RNASEK: variants seen among roughly 807,000 people sequenced by gnomAD.
The protein encoded by RNASEK is ribonuclease kappa.
In RNASEK, 7 loss-of-function variants were observed where a neutral mutation model predicts 11.2. The ratio of observed to expected loss-of-function variants is 0.62; its 90% CI spans 0.35 to 1.17. The LOEUF (loss-of-function observed/expected upper bound fraction) is 1.17, where lower values mean the gene tolerates loss of function less well. RNASEK is among the 50% of genes most tolerant of loss of function. The pLI, the probability that RNASEK is intolerant of heterozygous loss-of-function variation, is 0.02. For synonymous variants in RNASEK, 46 were observed against 49.5 expected, an observed-to-expected ratio of 0.93 and a Z score of 0.30; for missense variants, 101 against 126.7, an observed-to-expected ratio of 0.80 and a Z score of 0.97.
Position 7,014,449 on chromosome 17 carries a change from G to A in RNASEK, c.*163G>A. 1 of 714,994 alleles carries A rather than the reference G, an allele frequency of 1.4e-6. No homozygotes were observed. Among genetic ancestry groups the A allele is most frequent in the East Asian group, 2.7e-5 (1 of 36,990 alleles). 44.3% of individuals were successfully genotyped at this position (714,994 alleles called of 1,614,324 possible). On this transcript the variant is annotated 3_prime_UTR_variant, in exon 3 of 3. Coordinates refer to ENST00000593646, the MANE Select transcript of RNASEK (RefSeq NM_001004333.5). The surrounding 1 kb of genome is among the most constrained non-coding windows in gnomAD (Gnocchi z 4.5). The stretch of plus-strand genomic sequence containing the variant: ...CCATCTCTGGCATCCGGCCCCCGTG[G>A]AGAGGGCTGAGGCTGGGGGGCTGTT...
At position 7,014,399 on chromosome 17, in the gene RNASEK, C is replaced by A; in HGVS notation, c.*113C>A. The A allele has an allele frequency of 9.0e-7, 1 of 1,116,618 alleles. No individual in the cohort carries two copies. Among genetic ancestry groups the A allele is most frequent in the South Asian group, 1.4e-5 (1 of 69,710 alleles). The allele number at this position is 1,116,618 out of a possible 1,614,324, so 69.2% of individuals were successfully genotyped here. On this transcript the variant is annotated 3_prime_UTR_variant, in exon 3 of 3. Transcript: ENST00000593646. The surrounding 1 kb of genome is among the most constrained non-coding windows in gnomAD (Gnocchi z 4.5). ...GCGCCCTCTGCGGGACTGGGTTTCC[C>A]GGGCGAGAGACTGAATCCCTTCTCC...
At chr17:7,013,449 C>T in intron 1 of RNASEK, 3 of 1,538,264 alleles carry the variant, frequency 2.0e-6, no homozygotes, top group Non-Finnish European at 1.7e-6. Flanking sequence ...GGAGAGATGG[C>T]TTGGTCACTA....
In RNASEK at chr17:7,014,077, G is replaced by A. The variant is rs994936523; in HGVS notation, c.156-68G>A. The A allele has an allele frequency of 7.7e-6, 11 of 1,435,672 alleles. No homozygotes were observed. The Admixed American group carries it at 1.6e-4, about 21-fold the overall frequency. 88.9% of individuals were successfully genotyped at this position (1,435,672 alleles called of 1,614,324 possible). On this transcript the variant is annotated intron_variant, in intron 2 of 2. Transcript: ENST00000593646. This position sits in a 1 kb window ranked among gnomAD's most constrained non-coding sequence, Gnocchi z 4.5. ...GTAACAGCGCCTAAACAGGTGTCGGGCACATAGTGCTCAGAAAATGTTGGC... is the reference window on the plus strand; with the variant it reads ...GTAACAGCGCCTAAACAGGTGTCGGACACATAGTGCTCAGAAAATGTTGGC...
In RNASEK at chr17:7,013,747, GTATT is replaced by G. The variant is rs1909600800; in HGVS notation, c.155+6_155+9del. On this transcript the variant is annotated splice_donor_region_variant and intron_variant, in intron 2 of 2. Coordinates refer to ENST00000593646, the MANE Select transcript of RNASEK (RefSeq NM_001004333.5). ...CTTCACGGAGAAAGATTTTGAGTAA[GTATT>G]CGGGTGGGGGAGGCGGGCTGGGAGC... 1 of 900,062 alleles carries G rather than the reference GTATT, an allele frequency of 1.1e-6. No homozygotes were observed. The highest frequency in any genetic ancestry group is 1.7e-6 in the Non-Finnish European group (1 of 574,196). The allele number at this position is 900,062 out of a possible 1,614,324, so 55.8% of individuals were successfully genotyped here. A position where few individuals can be genotyped will look rare whatever the true frequency, so the allele number is the denominator to read the frequency against.
rs756326439 is a variant in RNASEK, at chr17:7,013,741, G to C, written c.154G>C (p.Glu52Gln). 1.8e-5 allele frequency: 29 copies of C among 1,568,640 alleles called. No individual in the cohort carries two copies. Among genetic ancestry groups the C allele is most frequent in the Non-Finnish European group, 2.5e-5 (28 of 1,139,702 alleles). ...CGTTCCCTTCACGGAGAAAGATTTT[G>C]AGTAAGTATTCGGGTGGGGGAGGCG... The part of the protein sequence containing the change: ...EDVPFTEKDF[E>Q]NGPQNIYNLY... Residue 52 changes from glutamate to glutamine, a missense_variant and splice_region_variant, in exon 2 of 3, where the codon GAG becomes CAG. Coordinates refer to ENST00000593646, the MANE Select transcript of RNASEK (RefSeq NM_001004333.5).
intron 1 of RNASEK, chr17:7,013,400 T>C: frequency 6.5e-7 from 1 of 1,535,766 alleles, no homozygotes; most frequent in East Asian, 2.4e-5. Context: ...TGTCCCGTGA[T>C]GATGACGCCT....
Position 7,014,421 on chromosome 17 carries a change from C to T in RNASEK, c.*135C>T, listed in dbSNP as rs1441455330. On this transcript the variant is annotated 3_prime_UTR_variant, in exon 3 of 3. Coordinates refer to ENST00000593646, the MANE Select transcript of RNASEK (RefSeq NM_001004333.5). The surrounding 1 kb of genome is among the most constrained non-coding windows in gnomAD (Gnocchi z 4.5). ...TCCCGGGCGAGAGACTGAATCCCTTCTCCCATCTCTGGCATCCGGCCCCCG... is the reference window on the plus strand; with the variant it reads ...TCCCGGGCGAGAGACTGAATCCCTTTTCCCATCTCTGGCATCCGGCCCCCG... 13 of 913,158 alleles carry T rather than the reference C, an allele frequency of 1.4e-5. No individual in the cohort carries two copies. In the Admixed American group the frequency reaches 2.3e-4, roughly 16 times the overall value. The allele number at this position is 913,158 out of a possible 1,614,324, so 56.6% of individuals were successfully genotyped here. A position where few individuals can be genotyped will look rare whatever the true frequency, so the allele number is the denominator to read the frequency against.
Position 7,014,049 on chromosome 17 carries a change from C to A in RNASEK, c.156-96C>A. The A allele has an allele frequency of 2.6e-6, 3 of 1,137,978 alleles. No homozygotes were observed. The highest frequency in any genetic ancestry group is 1.3e-6 in the Non-Finnish European group (1 of 780,204). The allele number at this position is 1,137,978 out of a possible 1,614,324, so 70.5% of individuals were successfully genotyped here. On this transcript the variant is annotated intron_variant, in intron 2 of 2. Coordinates refer to ENST00000593646, the MANE Select transcript of RNASEK (RefSeq NM_001004333.5). The surrounding 1 kb of genome is among the most constrained non-coding windows in gnomAD (Gnocchi z 4.5). ...GTCAAGAAGATTGAATAAAGTAATA[C>A]ACGTAACAGCGCCTAAACAGGTGTC...
At position 7,013,751 on chromosome 17, in the gene RNASEK, TCGGGTGGGGGAGG is replaced by T; in HGVS notation, c.155+14_155+26del. 1 of 1,371,090 alleles carries T rather than the reference TCGGGTGGGGGAGG, an allele frequency of 7.3e-7. No individual in the cohort carries two copies. Among genetic ancestry groups the T allele is most frequent in the Non-Finnish European group, 1.0e-6 (1 of 976,758 alleles). 84.9% of individuals were successfully genotyped at this position (1,371,090 alleles called of 1,614,324 possible). A position where few individuals can be genotyped will look rare whatever the true frequency, so the allele number is the denominator to read the frequency against. On this transcript the variant is annotated intron_variant, in intron 2 of 2. Transcript: ENST00000593646. Reference sequence around the variant, plus strand: ...ACGGAGAAAGATTTTGAGTAAGTATTCGGGTGGGGGAGGCGGGCTGGGAGCAGGTGGGAGGTGG... The same window carrying T: ...ACGGAGAAAGATTTTGAGTAAGTATTCGGGCTGGGAGCAGGTGGGAGGTGG...
At chr17:7,013,019 G>C in intron 1 of RNASEK, 1 of 505,998 alleles carries the variant, frequency 2.0e-6, no homozygotes. Context: ...CAGCTACTCA[G>C]GAGGCTGAGG....
rs1392009933 is a variant in RNASEK at position 7,012,657 on chromosome 17, C to G, written c.-27C>G. The G allele has an allele frequency of 1.2e-6, 2 of 1,611,296 alleles. No individual in the cohort carries two copies. The highest frequency in any genetic ancestry group is 1.7e-6 in the Non-Finnish European group (2 of 1,179,748). On this transcript the variant is annotated 5_prime_UTR_variant, in exon 1 of 3. Transcript: ENST00000593646. ...CCACCGCTTTCCGAGCCCGCTTGCA[C>G]CTCGGCGATCCCCGACTCCCTTCTT...
intron 1 of RNASEK, 51 bp downstream of exon 1, chr17:7,012,812 T>G: frequency 6.6e-7 from 1 of 1,511,994 alleles, no homozygotes; most frequent in Non-Finnish European, 9.1e-7. Context: ...GGCTCCGGGC[T>G]GGGAGGGCTG....
rs747457473 is a variant in RNASEK, at chr17:7,014,359, G to C, written c.*73G>C. Reference sequence around the variant, plus strand: ...CCCTGCACCGTGTCACCCAGGTCGCGTCCCACCCTTGCCGGCGCCCTCTGC... The same window carrying C: ...CCCTGCACCGTGTCACCCAGGTCGCCTCCCACCCTTGCCGGCGCCCTCTGC... On this transcript the variant is annotated 3_prime_UTR_variant, in exon 3 of 3. Transcript: ENST00000593646. The surrounding 1 kb of genome is among the most constrained non-coding windows in gnomAD (Gnocchi z 4.5). The C allele has an allele frequency of 6.5e-7, 1 of 1,536,402 alleles. No individual in the cohort carries two copies. Among genetic ancestry groups the C allele is most frequent in the South Asian group, 1.1e-5 (1 of 87,588 alleles).
In RNASEK at chr17:7,012,696, C is replaced by A; in HGVS notation, c.13C>A (p.Leu5Met). The A allele has an allele frequency of 6.2e-7, 1 of 1,613,278 alleles. No individual in the cohort carries two copies. Among genetic ancestry groups the A allele is most frequent in the East Asian group, 2.2e-5 (1 of 44,878 alleles). MASLLCCGPKLAACG... is the reference protein window; with the variant it reads MASLMCCGPKLAACG... ...GACTCCCTTCTTTATGGCGTCGCTC[C>A]TGTGCTGTGGGCCGAAGCTGGCCGC... Residue 5 changes from leucine (L) to methionine (M), a missense_variant, in exon 1 of 3, where the codon CTG becomes ATG. By Grantham distance (15) the Leu-to-Met change is conservative. Coordinates refer to ENST00000593646, the MANE Select transcript of RNASEK (RefSeq NM_001004333.5).
At position 7,014,401 on chromosome 17, in the gene RNASEK, G is replaced by A. The variant is rs931053289; in HGVS notation, c.*115G>A. ...GCCCTCTGCGGGACTGGGTTTCCCG[G>A]GCGAGAGACTGAATCCCTTCTCCCA... On this transcript the variant is annotated 3_prime_UTR_variant, in exon 3 of 3. Transcript: ENST00000593646. This position sits in a 1 kb window ranked among gnomAD's most constrained non-coding sequence, Gnocchi z 4.5. 1.6e-5 allele frequency: 17 copies of A among 1,091,028 alleles called. No homozygotes were observed. Among genetic ancestry groups the A allele is most frequent in the Non-Finnish European group, 2.1e-5 (16 of 755,458 alleles). 67.6% of individuals were successfully genotyped at this position (1,091,028 alleles called of 1,614,324 possible).
intron 1 of RNASEK, 174 bp downstream of exon 1, chr17:7,012,935 A>G: frequency 1.6e-6 from 1 of 615,170 alleles, no homozygotes. Context: ...GACCAGCCTG[A>G]CCAACATGGT....
chr17:7,012,772 T>C lies in RNASEK; in HGVS notation c.78+11T>C. 6.2e-7 allele frequency: 1 copy of C among 1,610,492 alleles called. No homozygotes were observed. Among genetic ancestry groups the C allele is most frequent in the Non-Finnish European group, 8.5e-7 (1 of 1,178,952 alleles). On this transcript the variant is annotated intron_variant, in intron 1 of 2. Coordinates refer to ENST00000593646, the MANE Select transcript of RNASEK (RefSeq NM_001004333.5). ...GGAGTGATCATGTTGGTGAGGGGACTCCCCGGCAAGGATCGGAGAGGGCCT... is the reference window on the plus strand; with the variant it reads ...GGAGTGATCATGTTGGTGAGGGGACCCCCCGGCAAGGATCGGAGAGGGCCT...
intron 1 of RNASEK, 41 bp downstream of exon 1, chr17:7,012,802 G>T (rs749300732): frequency 6.3e-7 from 1 of 1,586,084 alleles, no homozygotes; most frequent in South Asian, 1.1e-5. Context: ...GGGCCTGAGG[G>T]GCTCCGGGCT....
At chr17:7,013,282 T>C in intron 1 of RNASEK, 2 of 1,427,124 alleles carry the variant, frequency 1.4e-6, no homozygotes, top group Non-Finnish European at 1.9e-6. Context: ...AGAGAGTGCT[T>C]GTTCCAGAAA....
Sources: gnomAD v4.1 joint callset for allele counts on GRCh38, gnomAD v4.1.1 for gene constraint, Gnocchi (gnomAD v3.1) non-coding constraint, MANE v1.5 for transcripts, NCBI Gene and HGNC (gene_info 2026-07-23, HGNC 2026-07-21) for gene names.